The following SLC25A13 variants were observed in gnomAD, a reference collection of about 807,000 sequenced individuals.
SLC25A13 encodes solute carrier family 25 member 13.
A neutral mutation model predicts 85.5 loss-of-function variants in SLC25A13; 70 were observed. That is an observed-to-expected ratio of 0.82 (90% CI 0.68 to 1.00). The LOEUF is 1.00. SLC25A13 is among the 50% of genes least tolerant of loss of function. SLC25A13 has a pLI of 0.00. For synonymous variants in SLC25A13, 259 were observed against 288.7 expected (o/e 0.90, Z 1.04); for missense variants, 765 against 819.8 (o/e 0.93, Z 0.82).
At chr7:96,277,471 T>C (rs1425326196) in intron 2 of SLC25A13, 133 bp from the exon 3 acceptor site, 1 of 832,486 alleles carries the variant, frequency 1.2e-6, no homozygotes, top group Non-Finnish European at 1.9e-6. Flanking sequence ...CGCTTCATAA[T>C]GACCATTATC....
intron 3 of SLC25A13, among the ~76,000 whole-genome samples, chr7:96,242,809 T>A (rs552329666): frequency 6.6e-6 from 1 of 152,334 alleles, no homozygotes; most frequent in South Asian, 2.1e-4. Flanking sequence ...TTCTTAAATG[T>A]AATTGATTGA....
chr7:96,240,220 T>C (rs1183047612), intron 3 of SLC25A13, among the ~76,000 whole-genome samples: 1 of 152,094 alleles, frequency 6.6e-6, no homozygotes, highest in African/African-American at 2.4e-5. Flanking sequence ...AATGACTCAA[T>C]GAATTCAGAG....
intron 5 of SLC25A13, among the ~76,000 whole-genome samples, chr7:96,198,728 G>A (rs1400468518): frequency 6.6e-6 from 1 of 152,176 alleles, no homozygotes; most frequent in Non-Finnish European, 1.5e-5. Flanking sequence ...GTCATAACTA[G>A]ATTTGGACAG....
At chr7:96,190,706 A>G in intron 7 of SLC25A13, among the ~76,000 whole-genome samples, 1 of 151,742 alleles carries the variant, frequency 6.6e-6, no homozygotes, top group East Asian at 2.0e-4. Flanking sequence ...TTCGCCTCCC[A>G]GGTTCAAGCG....
chr7:96,169,808 C>G (rs1379628216), intron 13 of SLC25A13: 3 of 555,786 alleles, frequency 5.4e-6, no homozygotes, highest in Non-Finnish European at 3.2e-6. Flanking sequence ...CAGAACAAAC[C>G]ATAAGCAATG....
intron 1 of SLC25A13, among the ~76,000 whole-genome samples, chr7:96,308,146 T>G (rs1394589218): frequency 8.7e-6 from 1 of 115,048 alleles, no homozygotes; most frequent in Non-Finnish European, 1.7e-5. Context: ...AGAGCGAAAC[T>G]CCATCTCCAA....
chr7:96,132,527 A>G (rs1792078763), intron 14 of SLC25A13, among the ~76,000 whole-genome samples: 1 of 152,230 alleles, frequency 6.6e-6, no homozygotes, highest in African/African-American at 2.4e-5. Flanking sequence ...AGCTGTGTGT[A>G]GAACAATCAG....
At chr7:96,297,075 T>C (rs1203300298) in intron 1 of SLC25A13, 124 bp from the exon 2 acceptor site, 1 of 869,152 alleles carries the variant, frequency 1.2e-6, no homozygotes, top group Non-Finnish European at 1.9e-6. Context: ...TTAAATACCA[T>C]GTTGCCCCAG....
intron 7 of SLC25A13, among the ~76,000 whole-genome samples, chr7:96,190,186 G>C (rs1347702611): frequency 2.0e-5 from 3 of 150,812 alleles, no homozygotes; most frequent in Non-Finnish European, 4.4e-5. Flanking sequence ...TTGGGTTCAA[G>C]CGATTCCCCT....
chr7:96,131,736 C>T lies in SLC25A13; in HGVS notation c.1591+7G>A, dbSNP rs1562782419. On this transcript the variant is annotated splice_region_variant and intron_variant, in intron 15 of 17. Coordinates refer to ENST00000265631, the MANE Select transcript of SLC25A13 (RefSeq NM_014251.3). ...GGAAGTAAGAGAACTCCATGGGGGACACTCACCAGCTATGGCACCAGCTAA... is the reference window on the plus strand; with the variant it reads ...GGAAGTAAGAGAACTCCATGGGGGATACTCACCAGCTATGGCACCAGCTAA... 2 of 1,613,886 alleles carry T rather than the reference C, an allele frequency of 1.2e-6. No individual in the cohort carries two copies. Among genetic ancestry groups the T allele is most frequent in the East Asian group, 2.2e-5 (1 of 44,864 alleles).
intron 3 of SLC25A13, among the ~76,000 whole-genome samples, chr7:96,276,469 A>T (rs1374386709): frequency 1.3e-5 from 2 of 152,178 alleles, no homozygotes; most frequent in Non-Finnish European, 2.9e-5. Context: ...AAAAAAATAC[A>T]AAAATTAGCT....
chr7:96,149,474 A>G (rs1792935540), intron 13 of SLC25A13, among the ~76,000 whole-genome samples: 1 of 152,250 alleles, frequency 6.6e-6, no homozygotes, highest in Admixed American at 6.5e-5. Flanking sequence ...ATTCTTTTAA[A>G]GCAGAGTTAG....
chr7:96,206,658 C>T (rs889554221), intron 5 of SLC25A13, among the ~76,000 whole-genome samples: 1 of 152,168 alleles, frequency 6.6e-6, no homozygotes, highest in Admixed American at 6.5e-5. Flanking sequence ...TACTTCTATT[C>T]TGGCTACAGA....
intron 1 of SLC25A13, among the ~76,000 whole-genome samples, chr7:96,305,065 C>A (rs150529718): frequency 6.6e-6 from 1 of 152,232 alleles, no homozygotes; most frequent in African/African-American, 2.4e-5. Flanking sequence ...ATGCTAATGG[C>A]TTTTTATCTT....
At chr7:96,140,951 CT>C (rs1663780293) in intron 14 of SLC25A13, among the ~76,000 whole-genome samples, 1 of 151,268 alleles carries the variant, frequency 6.6e-6, no homozygotes, top group Non-Finnish European at 1.5e-5. Context: ...TTAAAATCAG[CT>C]TCTTTTTCTT....
At chr7:96,130,777 C>T (rs1791993477) in intron 15 of SLC25A13, among the ~76,000 whole-genome samples, 1 of 152,140 alleles carries the variant, frequency 6.6e-6, no homozygotes, top group South Asian at 2.1e-4. Context: ...TTCTAAGCAG[C>T]CAGGAAACAG....
At chr7:96,125,710 T>C (rs1300904600) in intron 15 of SLC25A13, among the ~76,000 whole-genome samples, 1 of 151,798 alleles carries the variant, frequency 6.6e-6, no homozygotes, top group Non-Finnish European at 1.5e-5. Flanking sequence ...TTTTCTCTCC[T>C]TTTCTATCTC....
intron 3 of SLC25A13, among the ~76,000 whole-genome samples, chr7:96,273,978 C>T (rs1019383249): frequency 6.6e-6 from 1 of 152,134 alleles, no homozygotes; most frequent in Non-Finnish European, 1.5e-5. Flanking sequence ...CCTGCACCAC[C>T]CTGCTCATAC....
chr7:96,215,220 T>A (rs1323612407), intron 4 of SLC25A13, among the ~76,000 whole-genome samples: 1 of 152,182 alleles, frequency 6.6e-6, no homozygotes, highest in Admixed American at 6.5e-5. Context: ...TGCCTCAGCC[T>A]CCTGAGTACC....
Sources: gnomAD v4.1 joint callset for allele counts (sites outside exome capture counted in the v4.1 genomes callset) on GRCh38, gnomAD v4.1.1 for gene constraint, MANE v1.5 for transcripts, NCBI Gene and HGNC (gene_info 2026-07-23, HGNC 2026-07-21) for gene names.